LTN1: variants seen among roughly 807,000 people sequenced by gnomAD.
The protein encoded by LTN1 is listerin E3 ubiquitin protein ligase 1.
In LTN1, 88 loss-of-function variants were observed where a neutral mutation model predicts 201.2. That is an observed-to-expected ratio of 0.44 (90% CI 0.37 to 0.52). The LOEUF (loss-of-function observed/expected upper bound fraction) is 0.52. LTN1 is among the 20% of genes least tolerant of loss of function. The pLI is 0.00. For missense variants in LTN1, 1,752 were observed against 2,038.7 expected, an observed-to-expected ratio of 0.86 and a Z score of 2.71; for synonymous variants, 645 against 713.5, an observed-to-expected ratio of 0.90 and a Z score of 1.53.
At chr21:28,944,831 A>T (rs1235531080) in intron 21 of LTN1, among the ~76,000 whole-genome samples, 2 of 152,220 alleles carry the variant, frequency 1.3e-5, no homozygotes, top group African/African-American at 2.4e-5. Flanking sequence ...TACCCTTTTT[A>T]ATTTCTAACC....
intron 5 of LTN1, 33 bp from the exon 6 acceptor site, chr21:28,981,332 A>G (rs746660343): frequency 8.1e-7 from 1 of 1,240,064 alleles, no homozygotes; most frequent in Non-Finnish European, 1.1e-6. Context: ...ATATTTAAAA[A>G]TTTAGAATTA....
chr21:28,949,786 A>AAT (rs965874869), intron 18 of LTN1, among the ~76,000 whole-genome samples: 13 of 152,020 alleles, frequency 8.6e-5, no homozygotes, highest in Admixed American at 1.3e-4. Context: ...TACAGAATCA[A>AAT]ATATATATAT....
At chr21:28,931,094 T>C (rs1046295880) in intron 29 of LTN1, 61 bp downstream of exon 29, 39 of 928,624 alleles carry the variant, frequency 4.2e-5, no homozygotes, top group Admixed American at 9.7e-5. Context: ...TGTGTGTGTG[T>C]GTGTGTTTAT....
intron 18 of LTN1, among the ~76,000 whole-genome samples, 163 bp downstream of exon 18, chr21:28,951,997 G>T (rs978614371): frequency 1.3e-5 from 2 of 151,988 alleles, no homozygotes; most frequent in African/African-American, 4.8e-5. Flanking sequence ...AAATTCAAAG[G>T]TATGTCCCTA....
At chr21:28,979,078 T>A (rs1202509633) in intron 6 of LTN1, among the ~76,000 whole-genome samples, 1 of 152,244 alleles carries the variant, frequency 6.6e-6, no homozygotes, top group African/African-American at 2.4e-5. Context: ...AAGGCTAGAA[T>A]ATAAGGTTAT....
chr21:28,992,783 C>A lies in LTN1; in HGVS notation c.23G>T (p.Arg8Leu), dbSNP rs2084758191. MGGKNKQRTKGNLRPSNS... is the reference protein window; with the variant it reads MGGKNKQLTKGNLRPSNS... Reference sequence around the variant, plus strand: ...GCTCACCCTCAGGTTCCCTTTAGTTCGCTGCTTGTTCTTCCCGCCCATGGT... The same window carrying A: ...GCTCACCCTCAGGTTCCCTTTAGTTAGCTGCTTGTTCTTCCCGCCCATGGT... The change falls in exon 1 of 30, where the codon CGA becomes CTA. Residue 8 changes from arginine (R) to leucine (L), a missense_variant. Around this residue, in one of 3 missense-constraint regions of LTN1, gnomAD observed 280 missense variants for 375.7 expected, o/e 0.75. Transcript: ENST00000361371. The A allele has an allele frequency of 1.2e-6, 2 of 1,614,218 alleles. No individual in the cohort carries two copies. The highest frequency in any genetic ancestry group is 1.7e-6 in the Non-Finnish European group (2 of 1,180,036).
intron 1 of LTN1, among the ~76,000 whole-genome samples, chr21:28,990,535 C>T (rs565328027): frequency 1.3e-5 from 2 of 152,200 alleles, no homozygotes; most frequent in Non-Finnish European, 2.9e-5. Flanking sequence ...AAGAGCAGGA[C>T]ATTCACAGTT....
Position 28,930,390 on chromosome 21 carries a change from T to C in LTN1, c.*58A>G. 1 of 1,348,978 alleles carries C rather than the reference T, an allele frequency of 7.4e-7. No homozygotes were observed. The highest frequency in any genetic ancestry group is 1.1e-6 in the Non-Finnish European group (1 of 946,286). 83.6% of individuals were successfully genotyped at this position (1,348,978 alleles called of 1,614,324 possible). On this transcript the variant is annotated 3_prime_UTR_variant, in exon 30 of 30. Coordinates refer to ENST00000361371, the MANE Select transcript of LTN1 (RefSeq NM_015565.3). ...CCCCACATCCACACTTTCAGACGGA[T>C]CCAAATCCAATGCCTTTGTTTGATG... is the stretch of plus-strand genomic sequence containing the variant.
intron 4 of LTN1, among the ~76,000 whole-genome samples, chr21:28,982,996 G>A (rs557956296): frequency 1.3e-5 from 2 of 152,304 alleles, no homozygotes; most frequent in East Asian, 3.9e-4. Flanking sequence ...ACAGAAACTT[G>A]CCCAAGGTCA....
intron 25 of LTN1, among the ~76,000 whole-genome samples, chr21:28,939,172 C>T (rs1056367333): frequency 6.6e-6 from 1 of 152,136 alleles, no homozygotes; most frequent in African/African-American, 2.4e-5. Flanking sequence ...TACACTGTAT[C>T]AGTGATAACT....
intron 6 of LTN1, among the ~76,000 whole-genome samples, chr21:28,973,283 G>T (rs1381087796): frequency 6.9e-6 from 1 of 145,226 alleles, no homozygotes; most frequent in Non-Finnish European, 1.5e-5. Context: ...GAAGGCGGAG[G>T]TTGCAATGAG....
chr21:28,956,831 A>G lies in LTN1; in HGVS notation c.3010T>C (p.Leu1004=), dbSNP rs2084429268. ...LPSHLCTSAL[L]SKMVLIALRK... is the part of the protein sequence containing the mutation. ...AGTGCAATTAAGACCATTTTGCTCA[A>G]TAATGCTGAAGTACACAAATGGCTG... is the stretch of plus-strand genomic sequence containing the variant. The change falls in exon 16 of 30, where the codon TTG becomes CTG. Residue 1004 remains leucine (L), a synonymous_variant. Coordinates refer to ENST00000361371, the MANE Select transcript of LTN1 (RefSeq NM_015565.3). The G allele has an allele frequency of 6.2e-7, 1 of 1,612,204 alleles. No homozygotes were observed. The highest frequency in any genetic ancestry group is 1.7e-5 in the Admixed American group (1 of 59,822).
chr21:28,947,753 A>G, intron 18 of LTN1, 147 bp from the exon 19 acceptor site: 1 of 525,084 alleles, frequency 1.9e-6, no homozygotes, highest in Non-Finnish European at 3.1e-6. Context: ...TAGATTTAAC[A>G]AGTGCTGACT....
In LTN1 at chr21:28,943,888, C is replaced by T. The variant is rs958643071; in HGVS notation, c.3999G>A (p.Val1333=). The change falls in exon 23 of 30, where the codon GTG becomes GTA. Residue 1333 remains valine (V), a synonymous_variant. Transcript: ENST00000361371. ...TTGCATTCTGAAAGGATGTTTCAGA[C>T]ACATCTTTGTTTTCTCCTAATGACA... ...LVTVTGENKD[V]SETSFQNAML... 31 of 1,609,628 alleles carry T rather than the reference C, an allele frequency of 1.9e-5. No homozygotes were observed. The highest frequency in any genetic ancestry group is 2.6e-5 in the Non-Finnish European group (31 of 1,176,184).
At chr21:28,952,324 A>G (rs1252275289) in intron 17 of LTN1, 60 bp from the exon 18 acceptor site, 1 of 956,896 alleles carries the variant, frequency 1.0e-6, no homozygotes, top group African/African-American at 1.6e-5. Context: ...TAAAATGTTT[A>G]AACACTGGCT....
chr21:28,940,121 G>A (rs1483866581), intron 25 of LTN1, among the ~76,000 whole-genome samples: 1 of 152,198 alleles, frequency 6.6e-6, no homozygotes, highest in Non-Finnish European at 1.5e-5. Context: ...GTATTGACCT[G>A]TCAAAAGAAG....
At position 28,945,871 on chromosome 21, in the gene LTN1, C is replaced by G; in HGVS notation, c.3704G>C (p.Cys1235Ser). The change falls in exon 21 of 30, where the codon TGC (cysteine) becomes TCC (serine). Residue 1235 changes from cysteine to serine, a missense_variant. Coordinates refer to ENST00000361371, the MANE Select transcript of LTN1 (RefSeq NM_015565.3). ...IRFLSLFLKY[C>S]SSPLAESEWD... ...CTCACTCTCTGCCAAAGGGGATGAG[C>G]AGTATTTCAGAAATAGGGAAAGAAA... is the stretch of plus-strand genomic sequence containing the variant. 1 of 1,613,754 alleles carries G rather than the reference C, an allele frequency of 6.2e-7. No homozygotes were observed. Among genetic ancestry groups the G allele is most frequent in the South Asian group, 1.1e-5 (1 of 91,062 alleles).
intron 11 of LTN1, chr21:28,964,453 G>C (rs534259412): frequency 1.2e-6 from 1 of 860,472 alleles, no homozygotes; most frequent in African/African-American, 1.7e-5. Context: ...ATGTACATTG[G>C]TTTTCAGATA....
At chr21:28,939,782 G>C (rs2084283242) in intron 25 of LTN1, among the ~76,000 whole-genome samples, 1 of 152,148 alleles carries the variant, frequency 6.6e-6, no homozygotes, top group South Asian at 2.1e-4. Context: ...ATTTTTTAAA[G>C]ATCAACAATA....
Sources: gnomAD v4.1 joint callset for allele counts (sites outside exome capture counted in the v4.1 genomes callset) on GRCh38, gnomAD v4.1.1 for gene constraint, gnomAD v4.1.1 regional missense constraint, MANE v1.5 for transcripts, NCBI Gene and HGNC (gene_info 2026-07-23, HGNC 2026-07-21) for gene names.